The following KIT variants were observed in gnomAD, a reference collection of about 807,000 sequenced individuals.
KIT encodes mast/stem cell growth factor receptor Kit.
Under a neutral mutation model 105.7 loss-of-function variants are expected in KIT, and 16 were observed. That is an observed-to-expected ratio of 0.15 (90% CI 0.10 to 0.23). KIT has a LOEUF of 0.23. Among genes scored for constraint, KIT ranks in the 10% least tolerant of loss-of-function variants. The pLI is 1.00. For synonymous variants in KIT, 438 were observed against 441.1 expected, an observed-to-expected ratio of 0.99 and a Z score of 0.09; for missense variants, 858 against 1,213.8, an observed-to-expected ratio of 0.71 and a Z score of 4.36.
At chr4:54,672,175 G>A (rs761734071) in intron 1 of KIT, among the ~76,000 whole-genome samples, 4 of 152,134 alleles carry the variant, frequency 2.6e-5, no homozygotes, top group Non-Finnish European at 2.9e-5. Context: ...TGTTAGCCCC[G>A]TTTTGGTTAA....
In KIT at chr4:54,707,227, A is replaced by G. The variant is rs1560402002; in HGVS notation, c.1055A>G (p.Asn352Ser). ...KPEHQQWIYM[N>S]RTFTDKWEDY... ...GAACACCAGCAGTGGATCTATATGAACAGAACCTTCACTGATAAATGGGAA... is the reference window on the plus strand; with the variant it reads ...GAACACCAGCAGTGGATCTATATGAGCAGAACCTTCACTGATAAATGGGAA... The change falls in exon 6 of 21, where the codon AAC (asparagine) becomes AGC (serine). Residue 352 changes from asparagine (N) to serine (S), a missense_variant. By Grantham distance (46) the Asn-to-Ser change is conservative (BLOSUM62 1). Around this residue, in one of 7 missense-constraint regions of KIT, gnomAD observed 401 missense variants for 601.0 expected, o/e 0.67. Coordinates refer to ENST00000288135, the MANE Select transcript of KIT (RefSeq NM_000222.3). 1.2e-6 allele frequency: 2 copies of G among 1,612,734 alleles called. No individual in the cohort carries two copies. Among genetic ancestry groups the G allele is most frequent in the Non-Finnish European group, 1.7e-6 (2 of 1,178,670 alleles).
chr4:54,715,635 C>T (rs939855589), intron 7 of KIT, among the ~76,000 whole-genome samples: 13 of 152,136 alleles, frequency 8.5e-5, no homozygotes, highest in African/African-American at 2.4e-5. Flanking sequence ...ACCTCTAGTA[C>T]AGCACCAGGC....
intron 7 of KIT, among the ~76,000 whole-genome samples, chr4:54,710,494 G>A (rs1175130975): frequency 1.3e-5 from 2 of 152,160 alleles, no homozygotes; most frequent in East Asian, 1.9e-4. Flanking sequence ...AAGGACTGGG[G>A]CCAATTCCTT....
At chr4:54,703,486 T>C (rs1720581126) in intron 4 of KIT, among the ~76,000 whole-genome samples, 1 of 152,168 alleles carries the variant, frequency 6.6e-6, no homozygotes, top group Admixed American at 6.5e-5. Flanking sequence ...GGTTAAGAAA[T>C]GAATTTTCGT....
At chr4:54,698,622 ACTTCT>A in intron 3 of KIT, 57 bp downstream of exon 3, 3 of 1,583,752 alleles carry the variant, frequency 1.9e-6, no homozygotes, top group South Asian at 2.2e-5. Flanking sequence ...TCTAAAGAAG[ACTTCT>A]CTTCTCGTTG....
rs889827532 is a variant in KIT, at chr4:54,705,735, G to A, written c.926-1363G>A. On this transcript the variant is annotated intron_variant, in intron 5 of 20. Transcript: ENST00000288135. ...CCATTTCTACAAAAAATACAAAAATGAGCCGGGCATGGTGCCACATGCTTG... is the reference window on the plus strand; with the variant it reads ...CCATTTCTACAAAAAATACAAAAATAAGCCGGGCATGGTGCCACATGCTTG... Among the ~76,000 whole-genome samples, 10 of 152,008 alleles carry A rather than the reference G, an allele frequency of 6.6e-5. No homozygotes were observed. The South Asian group carries it at 2.1e-3, about 32-fold the overall frequency.
intron 1 of KIT, among the ~76,000 whole-genome samples, chr4:54,689,850 T>C (rs1052521877): frequency 2.6e-5 from 4 of 152,152 alleles, no homozygotes; most frequent in African/African-American, 9.7e-5. Context: ...ACTCTACTTA[T>C]TAAATAATAA....
At chr4:54,704,523 T>C (rs1720660126) in intron 5 of KIT, among the ~76,000 whole-genome samples, 2 of 152,256 alleles carry the variant, frequency 1.3e-5, no homozygotes, top group South Asian at 4.1e-4. Context: ...TCATATCTGG[T>C]ATGCACAATT....
In KIT at chr4:54,739,435, G is replaced by A. The variant is rs1404226250; in HGVS notation, c.*878G>A. On this transcript the variant is annotated 3_prime_UTR_variant, in exon 21 of 21. Transcript: ENST00000288135. ...TTGAACAAAATCTCCTCTTTTAGCT[G>A]ATGAACTTATTCTGTAGATTCTGTG... is the stretch of plus-strand genomic sequence containing the variant. 8.6e-6 allele frequency: 2 copies of A among 233,288 alleles called. No homozygotes were observed. Among genetic ancestry groups the A allele is most frequent in the Non-Finnish European group, 1.7e-5 (2 of 117,854 alleles). The allele number at this position is 233,288 out of a possible 1,614,324, so 14.5% of individuals were successfully genotyped here. A position where few individuals can be genotyped will look rare whatever the true frequency, so the allele number is the denominator to read the frequency against.
intron 7 of KIT, among the ~76,000 whole-genome samples, chr4:54,715,124 C>A (rs1450950690): frequency 6.6e-6 from 1 of 152,084 alleles, no homozygotes; most frequent in Non-Finnish European, 1.5e-5. Flanking sequence ...ATACAGTATA[C>A]CAAAATCAGC....
chr4:54,719,733 T>C (rs538354492), intron 7 of KIT, among the ~76,000 whole-genome samples: 1 of 152,332 alleles, frequency 6.6e-6, no homozygotes, highest in African/African-American at 2.4e-5. Context: ...TGCAGAGTTA[T>C]GTATCTTTAA....
intron 1 of KIT, among the ~76,000 whole-genome samples, chr4:54,658,864 C>T (rs1041125489): frequency 2.0e-5 from 3 of 152,144 alleles, no homozygotes; most frequent in Admixed American, 6.5e-5. Context: ...CCGTGCTCGC[C>T]CCTTTCTGCC....
At position 54,738,822 on chromosome 4, in the gene KIT, G is replaced by A. The variant is rs1049090803; in HGVS notation, c.*265G>A. The A allele has an allele frequency of 7.4e-5, 45 of 605,614 alleles. No homozygotes were observed. The highest frequency in any genetic ancestry group is 2.0e-4 in the South Asian group (10 of 50,450). 37.5% of individuals were successfully genotyped at this position (605,614 alleles called of 1,614,324 possible). On this transcript the variant is annotated 3_prime_UTR_variant, in exon 21 of 21. Transcript: ENST00000288135. ...ACATTCTGATTTGGAAAAAGAGAGG[G>A]AGGTATGGACTGGGGGCCAGAGTCC...
At chr4:54,709,331 A>G (rs1311937662) in intron 6 of KIT, 93 bp from the exon 7 acceptor site, 7 of 820,612 alleles carry the variant, frequency 8.5e-6, no homozygotes, top group Non-Finnish European at 1.3e-5. Context: ...TTTTTCCTCA[A>G]ACAGGCATAG....
At chr4:54,706,498 A>G (rs1220244946) in intron 5 of KIT, among the ~76,000 whole-genome samples, 2 of 152,038 alleles carry the variant, frequency 1.3e-5, no homozygotes, top group African/African-American at 2.4e-5. Flanking sequence ...TTTGTCTTCT[A>G]TGATGTTTTT....
intron 7 of KIT, among the ~76,000 whole-genome samples, chr4:54,714,957 A>C (rs554402775): frequency 5.3e-5 from 8 of 152,218 alleles, no homozygotes; most frequent in African/African-American, 9.6e-5. Flanking sequence ...GAAGTGCACC[A>C]AATTAACTCA....
At chr4:54,720,679 G>C in intron 7 of KIT, among the ~76,000 whole-genome samples, 1 of 152,164 alleles carries the variant, frequency 6.6e-6, no homozygotes, top group East Asian at 1.9e-4. Context: ...CCTTTCCTCC[G>C]CCTATTAAGT....
chr4:54,721,026 G>A (rs745893518), intron 7 of KIT, among the ~76,000 whole-genome samples: 15 of 152,206 alleles, frequency 9.9e-5, no homozygotes, highest in Non-Finnish European at 2.1e-4. Flanking sequence ...TGGAATCTTA[G>A]AGACTTGTTC....
chr4:54,734,121 T>C (rs141782727), intron 17 of KIT, among the ~76,000 whole-genome samples: 6 of 152,326 alleles, frequency 3.9e-5, no homozygotes, highest in African/African-American at 9.6e-5. Flanking sequence ...AGCTAGATAT[T>C]ATCATCAGGA....
Sources: gnomAD v4.1 joint callset for allele counts (sites outside exome capture counted in the v4.1 genomes callset) on GRCh38, gnomAD v4.1.1 for gene constraint, gnomAD v4.1.1 regional missense constraint, MANE v1.5 for transcripts, NCBI Gene and HGNC (gene_info 2026-07-23, HGNC 2026-07-21) for gene names.